Variants in SAE1 observed in about 807,000 individuals in gnomAD.
The protein encoded by SAE1 is SUMO-activating enzyme subunit 1.
In SAE1, 11 loss-of-function variants were observed where a neutral mutation model predicts 40.6. The observed-to-expected ratio is 0.27, with a 90% confidence interval of 0.17 to 0.45. The LOEUF is 0.45. SAE1 is among the 20% of genes least tolerant of loss of function. SAE1 has a pLI of 1.00. For missense variants in SAE1, 373 were observed against 427.3 expected, an observed-to-expected ratio of 0.87 and a Z score of 1.12; for synonymous variants, 155 against 154.3, an observed-to-expected ratio of 1.00 and a Z score of -0.03.
intron 6 of SAE1, among the ~76,000 whole-genome samples, chr19:47,174,986 G>T (rs1329925605): frequency 1.3e-5 from 2 of 152,108 alleles, no homozygotes; most frequent in African/African-American, 4.8e-5. Context: ...TGAGATTACA[G>T]GCGTGAGGCA....
chr19:47,194,861 G>A (rs1393162952), intron 6 of SAE1, among the ~76,000 whole-genome samples: 1 of 149,822 alleles, frequency 6.7e-6, no homozygotes, highest in Non-Finnish European at 1.5e-5. Context: ...TTCTGCTTCA[G>A]CCTCCCAAGT....
chr19:47,180,193 A>G, intron 6 of SAE1: 1 of 456,304 alleles, frequency 2.2e-6, no homozygotes, highest in Non-Finnish European at 4.4e-6. Context: ...GAGACATCCC[A>G]GAAGCACTGA....
chr19:47,141,118 C>T (rs935956928), intron 1 of SAE1, among the ~76,000 whole-genome samples: 2 of 152,102 alleles, frequency 1.3e-5, no homozygotes, highest in Non-Finnish European at 2.9e-5. Flanking sequence ...TCTCCTGCCT[C>T]ACTGTCCCGA....
chr19:47,166,710 C>A (rs991234680), intron 5 of SAE1, among the ~76,000 whole-genome samples: 3 of 152,222 alleles, frequency 2.0e-5, no homozygotes, highest in South Asian at 4.2e-4. Context: ...GATGGCATTC[C>A]CAGACCATAT....
At chr19:47,197,040 G>C (rs1389718477) in intron 6 of SAE1, among the ~76,000 whole-genome samples, 193 bp from the exon 7 acceptor site, 2 of 152,036 alleles carry the variant, frequency 1.3e-5, no homozygotes, top group Non-Finnish European at 2.9e-5. Context: ...AATTAGCCAG[G>C]CATGGTGGTT....
At chr19:47,151,865 A>G (rs2058290497) in intron 3 of SAE1, among the ~76,000 whole-genome samples, 1 of 152,222 alleles carries the variant, frequency 6.6e-6, no homozygotes, top group South Asian at 2.1e-4. Context: ...ATGCGTGTGC[A>G]TGGGGCCATG....
chr19:47,203,585 G>T, intron 7 of SAE1, 86 bp from the exon 8 acceptor site: 1 of 1,229,812 alleles, frequency 8.1e-7, no homozygotes, highest in South Asian at 1.2e-5. Flanking sequence ...TTTTTATTCA[G>T]GAGAGCCTAC....
intron 5 of SAE1, among the ~76,000 whole-genome samples, chr19:47,156,015 A>G (rs1202468753): frequency 6.6e-6 from 1 of 151,914 alleles, no homozygotes; most frequent in Non-Finnish European, 1.5e-5. Context: ...CTGGGATTAC[A>G]GGCATGAGCC....
intron 1 of SAE1, among the ~76,000 whole-genome samples, chr19:47,140,739 G>A (rs1330113487): frequency 1.3e-5 from 2 of 152,046 alleles, no homozygotes; most frequent in African/African-American, 2.4e-5. Context: ...AGGCTGCAGC[G>A]AGCCCTGATC....
At chr19:47,174,235 C>T (rs1353200172) in intron 6 of SAE1, among the ~76,000 whole-genome samples, 1 of 150,686 alleles carries the variant, frequency 6.6e-6, no homozygotes, top group Non-Finnish European at 1.5e-5. Flanking sequence ...AGTTCCAGGG[C>T]TTTGGATATG....
intron 1 of SAE1, among the ~76,000 whole-genome samples, chr19:47,134,638 G>A (rs1314975205): frequency 1.3e-5 from 2 of 152,152 alleles, no homozygotes; most frequent in Non-Finnish European, 2.9e-5. Context: ...GGATTCTAAG[G>A]TACTGGAAGG....
chr19:47,154,739 G>T (rs1356440406), intron 4 of SAE1, among the ~76,000 whole-genome samples: 1 of 151,808 alleles, frequency 6.6e-6, no homozygotes, highest in African/African-American at 2.4e-5. Context: ...CAGGTGACAC[G>T]CCCGCCTTGG....
chr19:47,167,356 C>T (rs1344940101), intron 5 of SAE1, among the ~76,000 whole-genome samples: 3 of 151,848 alleles, frequency 2.0e-5, no homozygotes, highest in African/African-American at 7.3e-5. Context: ...TCTCCTGCCT[C>T]AGCCTCCCGA....
chr19:47,189,465 G>A (rs1324538597), intron 6 of SAE1, among the ~76,000 whole-genome samples: 7 of 152,192 alleles, frequency 4.6e-5, no homozygotes, highest in Non-Finnish European at 1.0e-4. Flanking sequence ...GGAGGCTGAG[G>A]CAGTAGAATC....
intron 6 of SAE1, among the ~76,000 whole-genome samples, chr19:47,196,997 A>G (rs985762416): frequency 2.0e-5 from 3 of 152,006 alleles, no homozygotes; most frequent in Admixed American, 1.3e-4. Context: ...CCTGACCAAC[A>G]TGGTGAAAAC....
At chr19:47,175,625 C>T (rs1299105351) in intron 6 of SAE1, among the ~76,000 whole-genome samples, 3 of 152,120 alleles carry the variant, frequency 2.0e-5, no homozygotes, top group South Asian at 4.1e-4. Context: ...GTAGTCCCAG[C>T]TACTTGGGAG....
chr19:47,166,456 A>G (rs1190922016), intron 5 of SAE1, among the ~76,000 whole-genome samples: 1 of 152,206 alleles, frequency 6.6e-6, no homozygotes, highest in Non-Finnish European at 1.5e-5. Context: ...CTAAATATGT[A>G]GACATCATAT....
At chr19:47,150,062 G>A (rs1409715610) in intron 2 of SAE1, 140 bp from the exon 3 acceptor site, 1 of 513,762 alleles carries the variant, frequency 1.9e-6, no homozygotes, top group Non-Finnish European at 3.2e-6. Flanking sequence ...TGGTGACAGA[G>A]CAAGACTGTC....
intron 2 of SAE1, among the ~76,000 whole-genome samples, chr19:47,147,762 T>C (rs574281113): frequency 2.9e-5 from 4 of 137,858 alleles, no homozygotes; most frequent in South Asian, 2.3e-4. Context: ...CTCAACTGTA[T>C]TTTTTTTTTT....
Sources: allele counts gnomAD v4.1 joint callset (sites outside exome capture counted in the v4.1 genomes callset), GRCh38; gene constraint gnomAD v4.1.1; transcripts MANE v1.5; gene names NCBI Gene and HGNC (gene_info 2026-07-23, HGNC 2026-07-21).